The following MB21D2 variants were observed in gnomAD, a reference collection of about 807,000 sequenced individuals.
The protein encoded by MB21D2 is Mab-21 domain containing 2.
In MB21D2, 9 loss-of-function variants were observed where a neutral mutation model predicts 33.3. That is an observed-to-expected ratio of 0.27 (90% CI 0.16 to 0.47). The LOEUF (loss-of-function observed/expected upper bound fraction) is 0.47, where lower values mean the gene tolerates loss of function less well. MB21D2 is among the 20% of genes least tolerant of loss of function. MB21D2 has a pLI of 0.99. For missense variants in MB21D2, 540 were observed against 624.6 expected, an observed-to-expected ratio of 0.86 and a Z score of 1.44; for synonymous variants, 241 against 236.3, an observed-to-expected ratio of 1.02 and a Z score of -0.18.
intron 1 of MB21D2, among the ~76,000 whole-genome samples, chr3:192,891,865 A>G (rs1713859887): frequency 6.6e-6 from 1 of 151,760 alleles, no homozygotes; most frequent in African/African-American, 2.4e-5. Context: ...GAAAAGAAAA[A>G]CTCTAAAAGC....
intron 1 of MB21D2, among the ~76,000 whole-genome samples, chr3:192,890,202 A>G (rs1713821062): frequency 6.6e-6 from 1 of 152,138 alleles, no homozygotes; most frequent in Non-Finnish European, 1.5e-5. Context: ...ATGTAGGTCC[A>G]TTTTTAGTAT....
At chr3:192,838,076 G>C (rs781034566) in intron 1 of MB21D2, among the ~76,000 whole-genome samples, 1 of 152,222 alleles carries the variant, frequency 6.6e-6, no homozygotes, top group Non-Finnish European at 1.5e-5. Flanking sequence ...AACATCACTC[G>C]TGGCTGGAGC....
At chr3:192,814,086 T>C (rs1205602562) in intron 1 of MB21D2, among the ~76,000 whole-genome samples, 1 of 152,242 alleles carries the variant, frequency 6.6e-6, no homozygotes, top group African/African-American at 2.4e-5. Flanking sequence ...CAAATACTAA[T>C]TTCCTCAATC....
chr3:192,878,092 T>TTTTTTTTTG (rs1713477833), intron 1 of MB21D2, among the ~76,000 whole-genome samples: 5 of 142,498 alleles, frequency 3.5e-5, no homozygotes, highest in African/African-American at 1.1e-4. Flanking sequence ...TTTTTTTTTT[T>TTTTTTTTTG]TTTTTTTTTG....
At chr3:192,854,655 T>C (rs1445959375) in intron 1 of MB21D2, among the ~76,000 whole-genome samples, 1 of 152,176 alleles carries the variant, frequency 6.6e-6, no homozygotes, top group East Asian at 1.9e-4. Flanking sequence ...TGAGAGAAAT[T>C]AATGCCTGGC....
intron 1 of MB21D2, among the ~76,000 whole-genome samples, chr3:192,882,661 T>C (rs956702983): frequency 1.6e-4 from 25 of 152,078 alleles, no homozygotes; most frequent in African/African-American, 5.6e-4. Flanking sequence ...TTTAGATGTA[T>C]ATAATTTCTC....
chr3:192,856,095 T>C (rs183432997), intron 1 of MB21D2, among the ~76,000 whole-genome samples: 3 of 152,142 alleles, frequency 2.0e-5, no homozygotes, highest in Admixed American at 2.0e-4. Flanking sequence ...ATAATAATAA[T>C]AAAGCAAGAC....
chr3:192,853,710 C>A (rs1376113127), intron 1 of MB21D2, among the ~76,000 whole-genome samples: 1 of 151,950 alleles, frequency 6.6e-6, no homozygotes, highest in African/African-American at 2.4e-5. Flanking sequence ...TGGTGCATTG[C>A]TTTACTGTGC....
At chr3:192,806,761 G>A (rs560427268) in intron 1 of MB21D2, among the ~76,000 whole-genome samples, 1 of 152,220 alleles carries the variant, frequency 6.6e-6, no homozygotes, top group South Asian at 2.1e-4. Flanking sequence ...CTAAAAGATG[G>A]GAAGAGAAAA....
chr3:192,809,447 A>T (rs1711739224), intron 1 of MB21D2, among the ~76,000 whole-genome samples: 1 of 152,062 alleles, frequency 6.6e-6, no homozygotes, highest in Non-Finnish European at 1.5e-5. Context: ...AGCCAAATAA[A>T]TTGTTTATGG....
At chr3:192,832,746 C>G (rs922309441) in intron 1 of MB21D2, among the ~76,000 whole-genome samples, 1 of 152,134 alleles carries the variant, frequency 6.6e-6, no homozygotes, top group Non-Finnish European at 1.5e-5. Context: ...GCCGAGAGAT[C>G]GAGCCACTGC....
In MB21D2 at chr3:192,797,400, G is replaced by A. The variant is rs1720545203; in HGVS notation, c.*986C>T. 1 of 152,508 alleles carries A rather than the reference G, an allele frequency of 6.6e-6. No individual in the cohort carries two copies. Among genetic ancestry groups the A allele is most frequent in the Non-Finnish European group, 1.5e-5 (1 of 68,022 alleles). 9.4% of individuals were successfully genotyped at this position (152,508 alleles called of 1,614,324 possible). A position where few individuals can be genotyped will look rare whatever the true frequency, so the allele number is the denominator to read the frequency against. ...GTGTATATTTTCCCCAGCTTTAGAT[G>A]GGGTCAACATGTATAAAGCTTTAAC... On this transcript the variant is annotated 3_prime_UTR_variant, in exon 2 of 2. Transcript: ENST00000392452.
At chr3:192,848,096 T>C (rs1338466104) in intron 1 of MB21D2, among the ~76,000 whole-genome samples, 1 of 152,240 alleles carries the variant, frequency 6.6e-6, no homozygotes, top group African/African-American at 2.4e-5. Context: ...TACACACATA[T>C]TTTAAAGTTA....
chr3:192,877,002 C>T (rs1713445774), intron 1 of MB21D2, among the ~76,000 whole-genome samples: 1 of 152,232 alleles, frequency 6.6e-6, no homozygotes, highest in African/African-American at 2.4e-5. Context: ...AGAACAGCGC[C>T]TGAGTCCACA....
Position 192,807,221 on chromosome 3 carries a change from G to C in MB21D2, c.212-7571C>G, listed in dbSNP as rs566678993. ...GAACTTACTGGCAAGACCCAATAGA[G>C]AGTCTTATTAGCCCTACCTAGCAGC... On this transcript the variant is annotated intron_variant, in intron 1 of 1. Coordinates refer to ENST00000392452, the MANE Select transcript of MB21D2 (RefSeq NM_178496.4). 1.7e-4 allele frequency among the ~76,000 whole-genome samples: 26 copies of C among 152,008 alleles called. 1 individual carries two copies. Among genetic ancestry groups the C allele is most frequent in the African/African-American group, 5.8e-4 (24 of 41,452 alleles).
intron 1 of MB21D2, among the ~76,000 whole-genome samples, chr3:192,912,572 C>T (rs1714379637): frequency 6.6e-6 from 1 of 152,002 alleles, no homozygotes; most frequent in African/African-American, 2.4e-5. Context: ...ACTCGGGAGG[C>T]TGAGGCAGGA....
At chr3:192,800,130 TC>T (rs757184561) in intron 1 of MB21D2, among the ~76,000 whole-genome samples, 1 of 152,186 alleles carries the variant, frequency 6.6e-6, no homozygotes, top group African/African-American at 2.4e-5. Context: ...CGGTTTTCTT[TC>T]CCCAGGCTCT....
intron 1 of MB21D2, among the ~76,000 whole-genome samples, chr3:192,830,220 C>T (rs1048544035): frequency 6.9e-6 from 1 of 144,538 alleles, no homozygotes; most frequent in Non-Finnish European, 1.5e-5. Flanking sequence ...TATGTTAATG[C>T]TTCAAAGATG....
chr3:192,855,697 A>G (rs1000026258), intron 1 of MB21D2, among the ~76,000 whole-genome samples: 2 of 152,200 alleles, frequency 1.3e-5, no homozygotes, highest in Non-Finnish European at 2.9e-5. Context: ...TCTCTTGATG[A>G]CTAACCTCCT....
Sources: allele counts gnomAD v4.1 joint callset (sites outside exome capture counted in the v4.1 genomes callset), GRCh38; gene constraint gnomAD v4.1.1; transcripts MANE v1.5; gene names NCBI Gene and HGNC (gene_info 2026-07-23, HGNC 2026-07-21).